HS3ST4: variants seen among roughly 807,000 people sequenced by gnomAD.
HS3ST4 encodes the protein heparan sulfate glucosamine 3-O-sulfotransferase 4.
Under a neutral mutation model 29.2 loss-of-function variants are expected in HS3ST4, and 17 were observed. The ratio of observed to expected loss-of-function variants is 0.58; its 90% CI spans 0.40 to 0.87. The LOEUF (loss-of-function observed/expected upper bound fraction) is 0.87. Ranked by LOEUF, HS3ST4 falls within the 40% of genes least tolerant of loss-of-function variation. HS3ST4 has a pLI of 0.00. For missense variants in HS3ST4, 627 were observed against 634.5 expected (o/e 0.99, Z 0.13); for synonymous variants, 314 against 285.7 (o/e 1.10, Z -1.00).
At chr16:25,760,665 C>A (rs2141606116) in intron 1 of HS3ST4, among the ~76,000 whole-genome samples, 1 of 152,240 alleles carries the variant, frequency 6.6e-6, no homozygotes, top group East Asian at 1.9e-4. Context: ...ATGATCCACC[C>A]ACCTTGGCCT....
intron 1 of HS3ST4, among the ~76,000 whole-genome samples, chr16:25,798,515 A>G (rs1475054135): frequency 6.6e-6 from 1 of 152,348 alleles, no homozygotes; most frequent in East Asian, 1.9e-4. Flanking sequence ...AAAGCTTCCA[A>G]TTAGAAATGT....
chr16:25,824,855 T>C (rs1463771191), intron 1 of HS3ST4: 1 of 152,186 alleles, frequency 6.6e-6, no homozygotes, highest in Non-Finnish European at 1.5e-5. Context: ...CTCCTTGTGT[T>C]TGATGATTCA....
chr16:25,946,149 C>T (rs1394081763), intron 1 of HS3ST4, among the ~76,000 whole-genome samples: 4 of 152,056 alleles, frequency 2.6e-5, no homozygotes, highest in African/African-American at 9.7e-5. Flanking sequence ...ATGGTGTAGA[C>T]AACCTGTCGA....
At chr16:25,842,155 G>T (rs914077543) in intron 1 of HS3ST4, among the ~76,000 whole-genome samples, 11 of 152,330 alleles carry the variant, frequency 7.2e-5, no homozygotes, top group East Asian at 1.9e-4. Context: ...CAGAGAAGTG[G>T]CTCAGTTGAG....
At chr16:25,923,611 CA>C (rs1408330882) in intron 1 of HS3ST4, among the ~76,000 whole-genome samples, 1 of 151,548 alleles carries the variant, frequency 6.6e-6, no homozygotes, top group Non-Finnish European at 1.5e-5. Flanking sequence ...ATTTTTCCTC[CA>C]AATTAAAATA....
intron 1 of HS3ST4, among the ~76,000 whole-genome samples, chr16:25,744,270 G>T (rs4559914): frequency 0.92 from 139,773 of 152,280 alleles, 64,181 homozygotes; most frequent in East Asian, 1. Context: ...TTTAAATTCA[G>T]CCTGATTTCA....
chr16:25,837,333 A>T (rs1018006178), intron 1 of HS3ST4, among the ~76,000 whole-genome samples: 14 of 152,302 alleles, frequency 9.2e-5, no homozygotes, highest in Admixed American at 9.1e-4. Flanking sequence ...GCAAACCGGG[A>T]TTATGTACAG....
chr16:25,810,509 T>G (rs553633366), intron 1 of HS3ST4, among the ~76,000 whole-genome samples: 5 of 152,314 alleles, frequency 3.3e-5, no homozygotes, highest in Admixed American at 1.3e-4. Flanking sequence ...ACTTCTCTGT[T>G]GCGTTTCTCT....
chr16:25,983,993 T>C (rs1969036375), intron 1 of HS3ST4, among the ~76,000 whole-genome samples: 2 of 152,190 alleles, frequency 1.3e-5, no homozygotes, highest in South Asian at 4.1e-4. Context: ...GGGGCAGTGA[T>C]GTTTTGATAC....
At chr16:25,802,445 T>C (rs1025151750) in intron 1 of HS3ST4, among the ~76,000 whole-genome samples, 21 of 152,142 alleles carry the variant, frequency 1.4e-4, no homozygotes, top group African/African-American at 4.8e-4. Context: ...ACCTCTGTTA[T>C]GGTTTCAGTA....
At chr16:25,716,301 A>G (rs1250765514) in intron 1 of HS3ST4, among the ~76,000 whole-genome samples, 1 of 152,208 alleles carries the variant, frequency 6.6e-6, no homozygotes, top group Non-Finnish European at 1.5e-5. Context: ...GGCACCTGAC[A>G]ATCTGGAATA....
intron 1 of HS3ST4, among the ~76,000 whole-genome samples, chr16:25,827,197 A>G (rs1967226555): frequency 6.6e-6 from 1 of 152,150 alleles, no homozygotes; most frequent in African/African-American, 2.4e-5. Flanking sequence ...TCTTGGAGCC[A>G]TTTGGTCTTT....
chr16:25,743,642 A>G (rs139997420), intron 1 of HS3ST4, among the ~76,000 whole-genome samples: 368 of 152,226 alleles, frequency 2.4e-3, no homozygotes, highest in African/African-American at 8.4e-3. Flanking sequence ...AGTAGCTGGG[A>G]TTACAGGCGT....
At chr16:25,881,114 G>T (rs892621701) in intron 1 of HS3ST4, among the ~76,000 whole-genome samples, 2 of 152,164 alleles carry the variant, frequency 1.3e-5, no homozygotes, top group Non-Finnish European at 2.9e-5. Context: ...GAAATTTAGG[G>T]AAGGGATGTC....
At chr16:25,782,326 A>G (rs2141615880) in intron 1 of HS3ST4, among the ~76,000 whole-genome samples, 1 of 152,238 alleles carries the variant, frequency 6.6e-6, no homozygotes, top group African/African-American at 2.4e-5. Flanking sequence ...CACCAAACGG[A>G]AGTACCTCCT....
chr16:25,898,149 C>T (rs964428967), intron 1 of HS3ST4, among the ~76,000 whole-genome samples: 2 of 152,190 alleles, frequency 1.3e-5, no homozygotes, highest in Non-Finnish European at 2.9e-5. Flanking sequence ...TTCTCACTGT[C>T]CCTGGATTTT....
intron 1 of HS3ST4, among the ~76,000 whole-genome samples, chr16:25,957,982 G>A (rs1449824193): frequency 1.3e-5 from 2 of 152,106 alleles, no homozygotes; most frequent in Non-Finnish European, 2.9e-5. Flanking sequence ...CAGCCAGGAA[G>A]GGTTGTTTCA....
At chr16:25,780,682 G>T (rs752649107) in intron 1 of HS3ST4, among the ~76,000 whole-genome samples, 1 of 152,202 alleles carries the variant, frequency 6.6e-6, no homozygotes, top group African/African-American at 2.4e-5. Context: ...TGTTGTGTTG[G>T]TAAATTGGGG....
Position 25,948,943 on chromosome 16 carries a change from A to G in HS3ST4, c.735-186669A>G, listed in dbSNP as rs368135398. Among the ~76,000 whole-genome samples the G allele has an allele frequency of 2.3e-4, 35 of 152,336 alleles. No individual in the cohort carries two copies. The East Asian group carries it at 4.2e-3, about 18-fold the overall frequency. On this transcript the variant is annotated intron_variant, in intron 1 of 1. Transcript: ENST00000331351. ...ATAAATTCTGGGGTCTGAGGATGAT[A>G]ACATTGAACTAACAATCAGCCCAGA...
Sources: allele counts gnomAD v4.1 joint callset (sites outside exome capture counted in the v4.1 genomes callset), GRCh38; gene constraint gnomAD v4.1.1; transcripts MANE v1.5; gene names NCBI Gene and HGNC (gene_info 2026-07-23, HGNC 2026-07-21).